Variants in MAP3K5 observed in about 807,000 individuals in gnomAD.
MAP3K5 encodes mitogen-activated protein kinase kinase kinase 5, also known as ASK-1.
Under a neutral mutation model 158.7 loss-of-function variants are expected in MAP3K5, and 56 were observed. The observed-to-expected ratio is 0.35, with a 90% CI of 0.28 to 0.44. MAP3K5 has a LOEUF of 0.44. Ranked by LOEUF, MAP3K5 falls within the 20% of genes least tolerant of loss-of-function variation. The probability of loss-of-function intolerance (pLI) is 1.00; values close to 1 mark genes in which losing one functional copy is unlikely to be tolerated. For missense variants in MAP3K5, 1,294 were observed against 1,674.8 expected (o/e 0.77, Z 3.97); for synonymous variants, 579 against 601.7 (o/e 0.96, Z 0.55).
At chr6:136,777,640 A>C (rs1401462549) in intron 1 of MAP3K5, among the ~76,000 whole-genome samples, 1 of 152,238 alleles carries the variant, frequency 6.6e-6, no homozygotes, top group African/African-American at 2.4e-5. Flanking sequence ...TAAAGTATAC[A>C]TTCATTAATG....
chr6:136,769,925 A>G (rs541201193), intron 1 of MAP3K5, among the ~76,000 whole-genome samples: 1 of 150,640 alleles, frequency 6.6e-6, no homozygotes, highest in East Asian at 2.0e-4. Flanking sequence ...AAGGAGGAAG[A>G]GAAAAAGAGA....
At chr6:136,626,519 A>G (rs1777044104) in intron 14 of MAP3K5, among the ~76,000 whole-genome samples, 1 of 152,218 alleles carries the variant, frequency 6.6e-6, no homozygotes, top group Non-Finnish European at 1.5e-5. Context: ...ACTCAGAGTT[A>G]AAACTGGGCT....
chr6:136,628,387 C>T (rs1777145232), intron 14 of MAP3K5, among the ~76,000 whole-genome samples: 2 of 151,602 alleles, frequency 1.3e-5, no homozygotes, highest in Admixed American at 6.6e-5. Flanking sequence ...ACTGGGAGTA[C>T]AGGTGGGAGC....
intron 25 of MAP3K5, among the ~76,000 whole-genome samples, chr6:136,574,684 T>C (rs1385609940): frequency 1.1e-5 from 1 of 93,100 alleles, no homozygotes; most frequent in Non-Finnish European, 2.1e-5. Context: ...GATTAAACAC[T>C]TTTTTTTTTT....
At chr6:136,604,471 G>A (rs1467101032) in intron 19 of MAP3K5, among the ~76,000 whole-genome samples, 1 of 152,140 alleles carries the variant, frequency 6.6e-6, no homozygotes, top group African/African-American at 2.4e-5. Flanking sequence ...AGTAGCAGAT[G>A]TGTGAGTTTT....
At chr6:136,616,086 GA>G (rs773199662) in intron 15 of MAP3K5, among the ~76,000 whole-genome samples, 84 of 152,180 alleles carry the variant, frequency 5.5e-4, no homozygotes, top group Non-Finnish European at 1.0e-3. Flanking sequence ...CAGGAACTAT[GA>G]AGGGCACGTA....
intron 1 of MAP3K5, 86 bp from the exon 2 acceptor site, chr6:136,720,675 C>A: frequency 1.0e-6 from 1 of 981,130 alleles, no homozygotes; most frequent in South Asian, 1.9e-5. Context: ...TCTTAGTATT[C>A]AAAAGAGGAA....
intron 7 of MAP3K5, among the ~76,000 whole-genome samples, chr6:136,685,178 C>A (rs1361166386): frequency 6.6e-6 from 1 of 151,908 alleles, no homozygotes; most frequent in East Asian, 1.9e-4. Flanking sequence ...AGTAGCTGGG[C>A]ATGGTGGCAC....
intron 14 of MAP3K5, 57 bp from the exon 15 acceptor site, chr6:136,623,038 A>G: frequency 6.4e-7 from 1 of 1,566,620 alleles, no homozygotes; most frequent in Non-Finnish European, 8.7e-7. Context: ...CTACATTTCA[A>G]ACATCAAATT....
chr6:136,559,044 C>A (rs933836018), intron 28 of MAP3K5, among the ~76,000 whole-genome samples, 168 bp from the exon 29 acceptor site: 2 of 151,868 alleles, frequency 1.3e-5, no homozygotes, highest in African/African-American at 4.9e-5. Context: ...CCCTGTTACT[C>A]AATAAATACA....
rs540764002 is a variant in MAP3K5, at chr6:136,791,973, G to A, written c.185C>T (p.Ala62Val). 1 of 1,608,752 alleles carries A rather than the reference G, an allele frequency of 6.2e-7. No individual in the cohort carries two copies. Among genetic ancestry groups the A allele is most frequent in the East Asian group, 2.2e-5 (1 of 44,752 alleles). Residue 62 changes from alanine to valine, a missense_variant, in exon 1 of 30, where the codon GCC (alanine) becomes GTC (valine). This residue lies in a region of MAP3K5 where 690 missense variants were observed against 870.5 expected (regional missense o/e 0.79). Coordinates refer to ENST00000359015, the MANE Select transcript of MAP3K5 (RefSeq NM_005923.4). ...GGCCGCCGGACAACCGATGCCAGGG[G>A]CAGCGGCGCTCTCCACGTTCCAGAA... ...GSFWNVESAA[A>V]PGIGCPAATS... is the part of the protein sequence containing the mutation.
chr6:136,629,096 T>C (rs775685955), intron 14 of MAP3K5: 2 of 152,226 alleles, frequency 1.3e-5, no homozygotes, highest in Non-Finnish European at 2.9e-5. Flanking sequence ...TCTAGAATCA[T>C]CTCTTTATTG....
rs764367167 is a variant in MAP3K5, at chr6:136,599,942, GTCT to G, written c.2878+1077_2878+1079del. 1.4e-4 allele frequency among the ~76,000 whole-genome samples: 21 copies of G among 152,222 alleles called. 1 individual carries two copies. In the East Asian group the frequency reaches 2.1e-3, roughly 15 times the overall value. On this transcript the variant is annotated intron_variant, in intron 21 of 29. Transcript: ENST00000359015. ...AGAAAAGAGGTACAAGGGTGTGCCT[GTCT>G]TCTTCTGAGTTTCCCCAGATTCTCA...
intron 14 of MAP3K5, among the ~76,000 whole-genome samples, chr6:136,635,437 C>A (rs1489241101): frequency 6.6e-6 from 1 of 152,092 alleles, no homozygotes; most frequent in African/African-American, 2.4e-5. Context: ...TCTATTACTT[C>A]TATAGACAGC....
At chr6:136,712,042 T>G (rs1781330287) in intron 2 of MAP3K5, among the ~76,000 whole-genome samples, 1 of 152,174 alleles carries the variant, frequency 6.6e-6, no homozygotes, top group Non-Finnish European at 1.5e-5. Flanking sequence ...TAGCCTCTCT[T>G]TTCCCTATTA....
At chr6:136,624,048 G>A (rs532239308) in intron 14 of MAP3K5, among the ~76,000 whole-genome samples, 69 of 152,198 alleles carry the variant, frequency 4.5e-4, no homozygotes, top group Non-Finnish European at 3.7e-4. Flanking sequence ...ACAAAAATTA[G>A]CTGGGTATGG....
chr6:136,642,581 A>T lies in MAP3K5; in HGVS notation c.1789-12T>A, dbSNP rs1778034488. The T allele has an allele frequency of 6.4e-7, 1 of 1,574,202 alleles. No homozygotes were observed. Among genetic ancestry groups the T allele is most frequent in the African/African-American group, 1.4e-5 (1 of 74,014 alleles). On this transcript the variant is annotated splice_polypyrimidine_tract_variant and intron_variant, in intron 11 of 29. Transcript: ENST00000359015. ...TCATGTATACCTTTCTAGAACAACA[A>T]CAAGAAAATATACTGAGTCATCCAA...
chr6:136,765,640 G>A (rs1783932260), intron 1 of MAP3K5, among the ~76,000 whole-genome samples: 2 of 149,936 alleles, frequency 1.3e-5, no homozygotes, highest in Admixed American at 6.6e-5. Context: ...AGCCTCCCAA[G>A]TAGCTGGGAT....
At chr6:136,658,313 CTTTTTTTTTTTT>C (rs57535051) in intron 9 of MAP3K5, among the ~76,000 whole-genome samples, 1 of 90,486 alleles carries the variant, frequency 1.1e-5, no homozygotes, top group African/African-American at 4.3e-5. Context: ...TTCTTTCTTT[CTTTTTTTTTTTT>C]TTTTTTTGAG....
Sources: gnomAD v4.1 joint callset for allele counts (sites outside exome capture counted in the v4.1 genomes callset) on GRCh38, gnomAD v4.1.1 for gene constraint, gnomAD v4.1.1 regional missense constraint, MANE v1.5 for transcripts, NCBI Gene and HGNC (gene_info 2026-07-23, HGNC 2026-07-21) for gene names.